The following VPS50 variants were observed in gnomAD, a reference collection of about 807,000 sequenced individuals.
The protein encoded by VPS50 is VPS50 subunit of EARP/GARPII complex.
In VPS50, 70 loss-of-function variants were observed where a neutral mutation model predicts 139.7. That is an observed-to-expected ratio of 0.50 (90% CI 0.41 to 0.61). The LOEUF (loss-of-function observed/expected upper bound fraction) is 0.61, where lower values mean the gene tolerates loss of function less well. Among genes scored for constraint, VPS50 ranks in the 20% least tolerant of loss-of-function variants. The probability of loss-of-function intolerance (pLI) is 0.00; values close to 1 mark genes in which losing one functional copy is unlikely to be tolerated. For synonymous variants in VPS50, 365 were observed against 376.7 expected (o/e 0.97, Z 0.36); for missense variants, 921 against 1,133.7 (o/e 0.81, Z 2.69).
Position 93,257,402 on chromosome 7 carries a change from A to G in VPS50, c.360A>G (p.Glu120=). 1 of 1,591,810 alleles carries G rather than the reference A, an allele frequency of 6.3e-7. No individual in the cohort carries two copies. The highest frequency in any genetic ancestry group is 8.6e-7 in the Non-Finnish European group (1 of 1,161,224). The change falls in exon 6 of 28, where the codon GAA becomes GAG. Residue 120 remains glutamate, a synonymous_variant. Coordinates refer to ENST00000305866, the MANE Select transcript of VPS50 (RefSeq NM_017667.4). ...EKQPAYVKEL[E]RVTSLQTGLQ... ...ACCTAATCTTCCCATAGGAACTTGAAAGAGTTACCTCATTGCAGACAGGTC... is the reference window on the plus strand; with the variant it reads ...ACCTAATCTTCCCATAGGAACTTGAGAGAGTTACCTCATTGCAGACAGGTC...
intron 7 of VPS50, 34 bp from the exon 8 acceptor site, chr7:93,258,323 A>G: frequency 6.2e-7 from 1 of 1,608,832 alleles, no homozygotes; most frequent in Non-Finnish European, 8.5e-7. Context: ...TTTGTGGTTG[A>G]AACAGATTTT....
In VPS50 at chr7:93,360,135, T is replaced by C. The variant is rs1200532755; in HGVS notation, c.*1699T>C. ...CTAATCAATCTTTTAAAATTTGCAG[T>C]TGATGAAGAGCTGCTTATTTTTCTC... On this transcript the variant is annotated 3_prime_UTR_variant, in exon 28 of 28. Coordinates refer to ENST00000305866, the MANE Select transcript of VPS50 (RefSeq NM_017667.4). 6.6e-6 allele frequency: 1 copy of C among 152,140 alleles called. No individual in the cohort carries two copies. Among genetic ancestry groups the C allele is most frequent in the Non-Finnish European group, 1.5e-5 (1 of 68,024 alleles). The allele number at this position is 152,140 out of a possible 1,614,324, so 9.4% of individuals were successfully genotyped here. A position where few individuals can be genotyped will look rare whatever the true frequency, so the allele number is the denominator to read the frequency against.
At position 93,301,079 on chromosome 7, in the gene VPS50, G is replaced by A. The variant is rs183231351; in HGVS notation, c.1362-2381G>A. 4.5e-3 allele frequency among the ~76,000 whole-genome samples: 691 copies of A among 152,118 alleles called. 3 individuals carry two copies. Among genetic ancestry groups the A allele is most frequent in the Non-Finnish European group, 6.3e-3 (425 of 67,978 alleles). On this transcript the variant is annotated intron_variant, in intron 16 of 27. Coordinates refer to ENST00000305866, the MANE Select transcript of VPS50 (RefSeq NM_017667.4). ...TGGGAGGCCAAGGTGAGTGGATCACGAGGTCAAGAGTTCAAGACCAGCCTG... is the reference window on the plus strand; with the variant it reads ...TGGGAGGCCAAGGTGAGTGGATCACAAGGTCAAGAGTTCAAGACCAGCCTG...
chr7:93,240,245 ACACACTCTCT>A lies in VPS50; in HGVS notation c.102+313_102+322del, dbSNP rs1189448719. On this transcript the variant is annotated intron_variant, in intron 2 of 27. Transcript: ENST00000305866. ...CACACACACACACACACACACACAC[ACACACTCTCT>A]CTCTCTCTCTCTCTCATTGATTTAT... 1.1e-3 allele frequency among the ~76,000 whole-genome samples: 162 copies of A among 145,556 alleles called. 1 individual carries two copies. Among genetic ancestry groups the A allele is most frequent in the African/African-American group, 4.1e-3 (157 of 38,430 alleles).
chr7:93,299,103 G>A (rs1796899070), intron 16 of VPS50, among the ~76,000 whole-genome samples: 2 of 152,054 alleles, frequency 1.3e-5, no homozygotes, highest in Admixed American at 1.3e-4. Context: ...TTTTTCCCTA[G>A]TATTTAAACA....
chr7:93,307,966 GGAGATAAA>G (rs1191747625), intron 18 of VPS50, among the ~76,000 whole-genome samples: 2 of 151,852 alleles, frequency 1.3e-5, no homozygotes, highest in East Asian at 3.9e-4. Flanking sequence ...ACTGTCATGT[GGAGATAAA>G]ACTTCCTCAT....
intron 6 of VPS50, 59 bp downstream of exon 6, chr7:93,257,523 G>A (rs923236874): frequency 1.1e-6 from 1 of 921,988 alleles, no homozygotes; most frequent in Non-Finnish European, 1.7e-6. Flanking sequence ...GAATAACTAT[G>A]GAATCTATAA....
intron 12 of VPS50, among the ~76,000 whole-genome samples, chr7:93,278,433 CA>C (rs544585879): frequency 0.053 from 7,489 of 141,236 alleles, 464 homozygotes; most frequent in African/African-American, 0.15. Flanking sequence ...ACTAAAAATA[CA>C]AAAAAAAAAA....
At chr7:93,344,884 C>G (rs1798341687) in intron 23 of VPS50, among the ~76,000 whole-genome samples, 1 of 151,774 alleles carries the variant, frequency 6.6e-6, no homozygotes, top group South Asian at 2.1e-4. Context: ...CAGGAAAGAT[C>G]CAAAATTGAC....
intron 2 of VPS50, among the ~76,000 whole-genome samples, chr7:93,246,331 C>G (rs1198681685): frequency 6.6e-6 from 1 of 151,696 alleles, no homozygotes; most frequent in Non-Finnish European, 1.5e-5. Context: ...ATATAATCAG[C>G]TATATAAGCA....
At chr7:93,324,649 A>G (rs576646749) in intron 21 of VPS50, among the ~76,000 whole-genome samples, 14 of 152,316 alleles carry the variant, frequency 9.2e-5, no homozygotes, top group African/African-American at 3.4e-4. Context: ...TACACCAATA[A>G]CAGTCAAACA....
chr7:93,347,717 A>T (rs531910036), intron 23 of VPS50, among the ~76,000 whole-genome samples: 1 of 149,050 alleles, frequency 6.7e-6, no homozygotes, highest in East Asian at 2.1e-4. Context: ...GCAGTAAACT[A>T]TCGCAAGAAC....
intron 23 of VPS50, among the ~76,000 whole-genome samples, chr7:93,342,310 C>A (rs897512794): frequency 1.3e-5 from 2 of 152,226 alleles, no homozygotes; most frequent in African/African-American, 2.4e-5. Flanking sequence ...TATCCCGCAC[C>A]TGGCTCGGAG....
intron 16 of VPS50, among the ~76,000 whole-genome samples, chr7:93,302,109 T>C (rs922739052): frequency 6.6e-6 from 1 of 152,230 alleles, no homozygotes; most frequent in Admixed American, 6.5e-5. Context: ...AATTGGGTTA[T>C]TTGTTTTCTG....
chr7:93,328,711 G>C (rs1797853120), intron 21 of VPS50, among the ~76,000 whole-genome samples: 4 of 152,128 alleles, frequency 2.6e-5, no homozygotes, highest in Admixed American at 2.6e-4. Flanking sequence ...CCACGGTGGG[G>C]AACAAGCACA....
At chr7:93,316,242 A>T (rs1273002614) in intron 20 of VPS50, among the ~76,000 whole-genome samples, 1 of 152,194 alleles carries the variant, frequency 6.6e-6, no homozygotes, top group Non-Finnish European at 1.5e-5. Context: ...GCAGAAGCAG[A>T]GGAGATGTGA....
intron 9 of VPS50, among the ~76,000 whole-genome samples, chr7:93,268,025 C>T (rs758096774): frequency 3.3e-5 from 5 of 152,158 alleles, no homozygotes; most frequent in Non-Finnish European, 4.4e-5. Flanking sequence ...GCTCAGATGT[C>T]TTTAGGGACC....
chr7:93,355,196 C>G (rs918250490), intron 26 of VPS50, among the ~76,000 whole-genome samples: 2 of 149,884 alleles, frequency 1.3e-5, no homozygotes, highest in African/African-American at 2.5e-5. Context: ...AAGGTAAGTA[C>G]CTCATTCCCA....
intron 25 of VPS50, 52 bp from the exon 26 acceptor site, chr7:93,353,588 C>T: frequency 6.4e-7 from 1 of 1,567,556 alleles, no homozygotes; most frequent in Non-Finnish European, 8.7e-7. Context: ...TATGGGAAAG[C>T]ATTGTGGCAT....
Sources: gnomAD v4.1 joint callset for allele counts (sites outside exome capture counted in the v4.1 genomes callset) on GRCh38, gnomAD v4.1.1 for gene constraint, MANE v1.5 for transcripts, NCBI Gene and HGNC (gene_info 2026-07-23, HGNC 2026-07-21) for gene names.